The following ZNRF2 variants were observed in gnomAD, a reference collection of about 807,000 sequenced individuals.
The protein encoded by ZNRF2 is zinc and ring finger 2.
A neutral mutation model predicts 20.4 loss-of-function variants in ZNRF2; 16 were observed. The observed-to-expected ratio is 0.79, with a 90% CI of 0.53 to 1.19. ZNRF2 has a LOEUF of 1.19. ZNRF2 is among the 50% of genes most tolerant of loss of function. The pLI, the probability that ZNRF2 is intolerant of heterozygous loss-of-function variation, is 0.00. For synonymous variants in ZNRF2, 178 were observed against 144.9 expected, an observed-to-expected ratio of 1.23 and a Z score of -1.64; for missense variants, 363 against 332.4, an observed-to-expected ratio of 1.09 and a Z score of -0.72.
intron 1 of ZNRF2, among the ~76,000 whole-genome samples, chr7:30,305,694 G>A (rs1024386977): frequency 3.9e-5 from 6 of 152,088 alleles, no homozygotes; most frequent in Non-Finnish European, 7.4e-5. Context: ...AGGTTGACCA[G>A]TTACCAGCAA....
At chr7:30,349,246 A>G (rs1174097893) in intron 2 of ZNRF2, among the ~76,000 whole-genome samples, 1 of 152,204 alleles carries the variant, frequency 6.6e-6, no homozygotes, top group Non-Finnish European at 1.5e-5. Context: ...TGAGGCTCAA[A>G]GAGGTTTGTG....
intron 2 of ZNRF2, 30 bp from the exon 3 acceptor site, chr7:30,355,698 T>A (rs1562621752): frequency 6.5e-7 from 1 of 1,545,386 alleles, no homozygotes; most frequent in East Asian, 2.3e-5. Context: ...GATAATTTTA[T>A]TGTCCTGAAT....
intron 3 of ZNRF2, among the ~76,000 whole-genome samples, chr7:30,362,052 A>G (rs1238166877): frequency 6.6e-6 from 1 of 152,210 alleles, no homozygotes; most frequent in East Asian, 1.9e-4. Flanking sequence ...ATAAATGAAT[A>G]ACTGTTTTGA....
At chr7:30,311,710 A>G (rs1416866083) in intron 1 of ZNRF2, among the ~76,000 whole-genome samples, 1 of 152,152 alleles carries the variant, frequency 6.6e-6, no homozygotes, top group Non-Finnish European at 1.5e-5. Context: ...TTAATTTTTG[A>G]CATAATTCTT....
At chr7:30,364,034 G>C (rs527947894) in intron 4 of ZNRF2, among the ~76,000 whole-genome samples, 1 of 152,302 alleles carries the variant, frequency 6.6e-6, no homozygotes, top group African/African-American at 2.4e-5. Context: ...TAGACCAGAT[G>C]ACGTCCAGAG....
chr7:30,346,257 G>A (rs1583592602), intron 2 of ZNRF2, among the ~76,000 whole-genome samples: 1 of 123,048 alleles, frequency 8.1e-6, no homozygotes, highest in African/African-American at 3.0e-5. Context: ...GCAGTGGCAC[G>A]ATCTTGGCTC....
intron 1 of ZNRF2, among the ~76,000 whole-genome samples, chr7:30,304,791 C>T (rs764295057): frequency 5.9e-5 from 9 of 151,950 alleles, no homozygotes; most frequent in Admixed American, 1.3e-4. Flanking sequence ...CCTCATTAAC[C>T]CACCAAAAAG....
At chr7:30,327,145 C>T (rs544236874) in intron 2 of ZNRF2, among the ~76,000 whole-genome samples, 4 of 152,222 alleles carry the variant, frequency 2.6e-5, no homozygotes, top group African/African-American at 9.6e-5. Flanking sequence ...AATTAGATCC[C>T]ATTTGTCAAT....
At chr7:30,300,981 A>G (rs1799104805) in intron 1 of ZNRF2, among the ~76,000 whole-genome samples, 1 of 152,240 alleles carries the variant, frequency 6.6e-6, no homozygotes, top group African/African-American at 2.4e-5. Flanking sequence ...GCCTTGTGCA[A>G]GAGGAGCCTG....
Position 30,285,696 on chromosome 7 carries a change from G to T in ZNRF2, c.339G>T (p.Ser113=), listed in dbSNP as rs1363889421. The T allele has an allele frequency of 6.8e-7, 1 of 1,466,632 alleles. No homozygotes were observed. Among genetic ancestry groups the T allele is most frequent in the Non-Finnish European group, 9.0e-7 (1 of 1,115,866 alleles). 90.9% of individuals were successfully genotyped at this position (1,466,632 alleles called of 1,614,324 possible). The part of the protein sequence containing the change: ...IPNSSSGPYG[S]QDSVHSSPED... The stretch of plus-strand genomic sequence containing the variant: ...ACAGCAGCAGCGGCCCGTACGGCTC[G>T]CAGGACTCGGTGCACAGCAGCCCTG... The change falls in exon 1 of 5, where the codon TCG becomes TCT. Residue 113 remains serine (S), a synonymous_variant. Transcript: ENST00000323037.
At chr7:30,356,744 T>C (rs751087178) in intron 3 of ZNRF2, among the ~76,000 whole-genome samples, 65 of 142,042 alleles carry the variant, frequency 4.6e-4, no homozygotes, top group Non-Finnish European at 8.1e-4. Context: ...CTCGCTCTGT[T>C]GCCCAGGCTG....
chr7:30,358,893 T>A (rs1800080406), intron 3 of ZNRF2, among the ~76,000 whole-genome samples: 1 of 152,178 alleles, frequency 6.6e-6, no homozygotes, highest in African/African-American at 2.4e-5. Flanking sequence ...TCTCTCTCGA[T>A]TCATAAGATG....
At chr7:30,290,277 C>G (rs944794495) in intron 1 of ZNRF2, among the ~76,000 whole-genome samples, 21 of 152,292 alleles carry the variant, frequency 1.4e-4, no homozygotes, top group African/African-American at 5.1e-4. Context: ...TGATTTTATT[C>G]GTTTTCTAAG....
At chr7:30,360,781 G>A (rs948422810) in intron 3 of ZNRF2, among the ~76,000 whole-genome samples, 1 of 152,088 alleles carries the variant, frequency 6.6e-6, no homozygotes, top group Non-Finnish European at 1.5e-5. Flanking sequence ...GTTACAAAAA[G>A]CATAATGCTG....
chr7:30,348,813 C>T (rs1257819112), intron 2 of ZNRF2, among the ~76,000 whole-genome samples: 1 of 152,172 alleles, frequency 6.6e-6, no homozygotes, highest in Non-Finnish European at 1.5e-5. Flanking sequence ...CTTTAGGCAT[C>T]TGAGTTTGTG....
chr7:30,332,399 G>T, intron 2 of ZNRF2, among the ~76,000 whole-genome samples: 1 of 152,166 alleles, frequency 6.6e-6, no homozygotes, highest in South Asian at 2.1e-4. Flanking sequence ...AGGAGGTGGG[G>T]TACATGTGCA....
chr7:30,301,721 AAACTT>A (rs1421602172), intron 1 of ZNRF2, among the ~76,000 whole-genome samples: 5 of 151,584 alleles, frequency 3.3e-5, no homozygotes, highest in African/African-American at 1.2e-4. Flanking sequence ...AAAAAAAAAA[AAACTT>A]ATCTTTGTCT....
At chr7:30,311,903 A>G (rs1024006587) in intron 1 of ZNRF2, among the ~76,000 whole-genome samples, 1 of 152,180 alleles carries the variant, frequency 6.6e-6, no homozygotes, top group African/African-American at 2.4e-5. Flanking sequence ...ATGTATATTT[A>G]GCCTTCCTTG....
At chr7:30,316,087 G>C (rs1799369307) in intron 1 of ZNRF2, among the ~76,000 whole-genome samples, 1 of 151,758 alleles carries the variant, frequency 6.6e-6, no homozygotes, top group Non-Finnish European at 1.5e-5. Flanking sequence ...TTGGGAGTTG[G>C]AGACCAGCCT....
Sources: allele counts gnomAD v4.1 joint callset (sites outside exome capture counted in the v4.1 genomes callset), GRCh38; gene constraint gnomAD v4.1.1; transcripts MANE v1.5; gene names NCBI Gene and HGNC (gene_info 2026-07-23, HGNC 2026-07-21).